SMIM22: variants seen among roughly 807,000 people sequenced by gnomAD.
The protein encoded by SMIM22 is small integral membrane protein 22.
In SMIM22, 16 loss-of-function variants were observed where a neutral mutation model predicts 8.4. The observed-to-expected ratio is 1.90, with a 90% CI of 1.29 to 2.89. The LOEUF (loss-of-function observed/expected upper bound fraction) is 2.89. Among genes scored for constraint, SMIM22 ranks in the 30% most tolerant of loss-of-function variants. The pLI, the probability that SMIM22 is intolerant of heterozygous loss-of-function variation, is 0.00. For missense variants in SMIM22, 159 were observed against 107.5 expected (o/e 1.48, Z -2.12); for synonymous variants, 67 against 47.6 (o/e 1.41, Z -1.68).
chr16:4,790,447 T>C (rs998682002), upstream of SMIM22, among the ~76,000 whole-genome samples: 8 of 152,142 alleles, frequency 5.3e-5, no homozygotes, highest in African/African-American at 1.9e-4. Flanking sequence ...CAGTTCTTCC[T>C]TCTGGGGAAC....
At chr16:4,794,091 A>T (rs1434499838), upstream of SMIM22, among the ~76,000 whole-genome samples, 1 of 151,426 alleles carries the variant, frequency 6.6e-6, no homozygotes, top group African/African-American at 2.4e-5. Context: ...GCCCGCCACC[A>T]CAGCGGGGTA....
upstream of SMIM22, among the ~76,000 whole-genome samples, chr16:4,791,876 C>T (rs888423046): frequency 6.6e-5 from 10 of 151,738 alleles, no homozygotes; most frequent in African/African-American, 2.4e-4. Flanking sequence ...TTAGTAGAGA[C>T]GGGTTTCGCC....
chr16:4,794,315 C>T (rs2082598841), upstream of SMIM22, among the ~76,000 whole-genome samples: 1 of 151,988 alleles, frequency 6.6e-6, no homozygotes, highest in Admixed American at 6.6e-5. Context: ...TACCGTGTTA[C>T]CCAGGATGGT....
At chr16:4,796,089 TG>T (rs1313741064) in intron 3 of SMIM22, 41 bp downstream of exon 3, 1 of 1,535,268 alleles carries the variant, frequency 6.5e-7, no homozygotes, top group African/African-American at 1.4e-5. Flanking sequence ...GGAACTGTAC[TG>T]GGGGTGGAGG....
At chr16:4,792,054 T>C (rs970929412), upstream of SMIM22, among the ~76,000 whole-genome samples, 41 of 152,042 alleles carry the variant, frequency 2.7e-4, no homozygotes, top group African/African-American at 9.4e-4. Context: ...ACTTTCATAA[T>C]AGTAACAACA....
chr16:4,793,733 T>C (rs531367027), upstream of SMIM22, among the ~76,000 whole-genome samples: 25 of 152,308 alleles, frequency 1.6e-4, 1 homozygote, highest in South Asian at 3.5e-3. Flanking sequence ...CCCTATACAA[T>C]GTAACAATTA....
chr16:4,793,827 A>C (rs2082591829), upstream of SMIM22, among the ~76,000 whole-genome samples: 2 of 152,190 alleles, frequency 1.3e-5, no homozygotes, highest in South Asian at 4.1e-4. Flanking sequence ...CCCACGCTAG[A>C]GTGCAGTGGT....
chr16:4,790,401 G>A (rs1256958264), upstream of SMIM22, among the ~76,000 whole-genome samples: 2 of 152,154 alleles, frequency 1.3e-5, no homozygotes, highest in Admixed American at 1.3e-4. Flanking sequence ...TGAGCCCCAG[G>A]CCGACTTCTG....
upstream of SMIM22, among the ~76,000 whole-genome samples, chr16:4,790,985 A>C (rs1019088357): frequency 5.3e-5 from 8 of 152,168 alleles, no homozygotes; most frequent in African/African-American, 1.9e-4. Flanking sequence ...CTCTCCCATA[A>C]GCAGCTGAGG....
chr16:4,789,560 T>C, intron 2 of SMIM22, among the ~76,000 whole-genome samples: 1 of 152,162 alleles, frequency 6.6e-6, no homozygotes, highest in Admixed American at 6.6e-5. Context: ...TCTCCTGATC[T>C]CGTGATCTGC....
chr16:4,793,568 A>C (rs78087916), upstream of SMIM22, among the ~76,000 whole-genome samples: 540 of 152,278 alleles, frequency 3.5e-3, 4 homozygotes, highest in African/African-American at 0.012. Flanking sequence ...TCAAGTAGTA[A>C]AATAGAGAAA....
chr16:4,790,662 C>A (rs2082537437), upstream of SMIM22, among the ~76,000 whole-genome samples: 1 of 152,142 alleles, frequency 6.6e-6, no homozygotes, highest in African/African-American at 2.4e-5. Context: ...GTGGCGGGCA[C>A]CTGTAGTCGC....
chr16:4,793,317 A>G (rs2082581256), upstream of SMIM22, among the ~76,000 whole-genome samples: 2 of 152,172 alleles, frequency 1.3e-5, no homozygotes, highest in Admixed American at 6.5e-5. Context: ...TCTGACCTTC[A>G]GAACCATAGG....
intron 2 of SMIM22, among the ~76,000 whole-genome samples, chr16:4,789,617 C>T (rs1567579815): frequency 1.3e-5 from 2 of 152,222 alleles, no homozygotes; most frequent in Admixed American, 6.5e-5. Flanking sequence ...TTAGCCCCTG[C>T]GCCCAGCCCT....
chr16:4,791,178 G>A (rs1031440167), upstream of SMIM22, among the ~76,000 whole-genome samples: 1 of 152,250 alleles, frequency 6.6e-6, no homozygotes, highest in East Asian at 1.9e-4. Context: ...GCGGTGAGGG[G>A]AGGAGCCTCA....
At chr16:4,792,807 C>T (rs867460948), upstream of SMIM22, among the ~76,000 whole-genome samples, 2 of 47,068 alleles carry the variant, frequency 4.2e-5, no homozygotes, top group African/African-American at 1.6e-4. Flanking sequence ...GACTCCGTCT[C>T]AAAAAAAAAA....
chr16:4,795,544 T>C, intron 1 of SMIM22, 95 bp downstream of exon 1: 1 of 742,730 alleles, frequency 1.3e-6, no homozygotes, highest in Non-Finnish European at 2.0e-6. Context: ...ACCACAGGGC[T>C]GGGCAAGGAG....
At chr16:4,791,947 A>C (rs1315377740), upstream of SMIM22, among the ~76,000 whole-genome samples, 1 of 152,140 alleles carries the variant, frequency 6.6e-6, no homozygotes. Context: ...TCGGCCTCCC[A>C]AAGTGCTTGG....
chr16:4,791,440 A>T (rs578194182), upstream of SMIM22, among the ~76,000 whole-genome samples: 1 of 152,294 alleles, frequency 6.6e-6, no homozygotes, highest in South Asian at 2.1e-4. Context: ...CGGCTCTGAC[A>T]TCGATGATCA....
Sources: gnomAD v4.1 joint callset for allele counts (sites outside exome capture counted in the v4.1 genomes callset) on GRCh38, gnomAD v4.1.1 for gene constraint, MANE v1.5 for transcripts, NCBI Gene and HGNC (gene_info 2026-07-23, HGNC 2026-07-21) for gene names.